SIPA1L2: variants seen among roughly 807,000 people sequenced by gnomAD.
The protein encoded by SIPA1L2 is signal-induced proliferation-associated 1-like protein 2.
In SIPA1L2, 56 loss-of-function variants were observed where a neutral mutation model predicts 163.9. The ratio of observed to expected loss-of-function variants is 0.34; its 90% CI spans 0.28 to 0.43. The LOEUF (loss-of-function observed/expected upper bound fraction) is 0.43, where lower values mean the gene tolerates loss of function less well. SIPA1L2 is among the 20% of genes least tolerant of loss of function. The pLI is 1.00. For synonymous variants in SIPA1L2, 877 were observed against 865.7 expected (o/e 1.01, Z -0.23); for missense variants, 1,974 against 2,193.5 (o/e 0.90, Z 2.00).
intron 19 of SIPA1L2, among the ~76,000 whole-genome samples, chr1:232,408,082 T>G (rs1447668844): frequency 6.6e-6 from 1 of 152,214 alleles, no homozygotes; most frequent in Non-Finnish European, 1.5e-5. Flanking sequence ...AACTATGATC[T>G]TATTGAACTA....
intron 21 of SIPA1L2, 119 bp from the exon 22 acceptor site, chr1:232,402,592 A>G (rs1013044243): frequency 1.6e-5 from 12 of 743,498 alleles, no homozygotes; most frequent in Non-Finnish European, 2.3e-5. Context: ...CAGATATATT[A>G]TATTATGTCA....
chr1:232,526,371 C>G (rs974685495), intron 2 of SIPA1L2, among the ~76,000 whole-genome samples: 7 of 123,372 alleles, frequency 5.7e-5, no homozygotes, highest in Admixed American at 5.6e-4. Context: ...GAACCGTTTT[C>G]GTGGAAGACA....
chr1:232,586,152 C>T (rs1660642955), intron 1 of SIPA1L2, among the ~76,000 whole-genome samples: 1 of 152,134 alleles, frequency 6.6e-6, no homozygotes, highest in African/African-American at 2.4e-5. Context: ...GCTCTGTCTC[C>T]GCACAGCGAT....
rs186238255 is a variant in SIPA1L2 at position 232,518,597 on chromosome 1, T to C, written c.-269-2989A>G. Among the ~76,000 whole-genome samples, 964 of 152,208 alleles carry C rather than the reference T, an allele frequency of 6.3e-3. 12 individuals are homozygous for C. Among genetic ancestry groups the C allele is most frequent in the African/African-American group, 0.022 (923 of 41,540 alleles). On this transcript the variant is annotated intron_variant, in intron 2 of 22. Transcript: ENST00000674635. Reference sequence around the variant, plus strand: ...ACTCTCCAGGCTTGTGTCCCAGCTGTTCCCTCTAAATGGAGCATCCACTGC... The same window carrying C: ...ACTCTCCAGGCTTGTGTCCCAGCTGCTCCCTCTAAATGGAGCATCCACTGC...
chr1:232,525,233 C>CTTTTTT (rs11389753), intron 2 of SIPA1L2, among the ~76,000 whole-genome samples: 2 of 102,938 alleles, frequency 1.9e-5, no homozygotes, highest in Non-Finnish European at 3.6e-5. Context: ...ATAATAATAG[C>CTTTTTT]TTTTTTTTTT....
chr1:232,603,260 G>A (rs1359142967), intron 1 of SIPA1L2, among the ~76,000 whole-genome samples: 1 of 152,194 alleles, frequency 6.6e-6, no homozygotes, highest in African/African-American at 2.4e-5. Flanking sequence ...AAGATCCAAG[G>A]AAGACGACTA....
intron 2 of SIPA1L2, among the ~76,000 whole-genome samples, chr1:232,521,758 C>G (rs758557005): frequency 6.6e-6 from 1 of 152,216 alleles, no homozygotes; most frequent in Non-Finnish European, 1.5e-5. Context: ...TCCTCCTCCT[C>G]CTCAGGTTGT....
rs1342967880 is a variant in SIPA1L2 at position 232,465,704 on chromosome 1, C to T, written c.2244-288G>A. Among the ~76,000 whole-genome samples the T allele has an allele frequency of 2.6e-5, 4 of 151,892 alleles. No individual in the cohort carries two copies. The highest frequency in any genetic ancestry group is 5.9e-5 in the Non-Finnish European group (4 of 67,996). Reference sequence around the variant, plus strand: ...GGCTGAATTATGTCCCTCTCAAAATCCACACGTTGACAAGATAACCCATAG... The same window carrying T: ...GGCTGAATTATGTCCCTCTCAAAATTCACACGTTGACAAGATAACCCATAG... On this transcript the variant is annotated intron_variant, in intron 8 of 22. Coordinates refer to ENST00000674635, the MANE Select transcript of SIPA1L2 (RefSeq NM_020808.5). The surrounding 1 kb of genome is among the most constrained non-coding windows in gnomAD (Gnocchi z 4.1).
At chr1:232,461,287 C>A in intron 9 of SIPA1L2, 126 bp from the exon 10 acceptor site, 1 of 1,199,650 alleles carries the variant, frequency 8.3e-7, no homozygotes, top group Non-Finnish European at 1.2e-6. Context: ...CAGCCTGTCT[C>A]TCTCTGCCTT....
At chr1:232,428,710 G>A (rs185354015) in intron 16 of SIPA1L2, 146 bp from the exon 17 acceptor site, 371 of 481,406 alleles carry the variant, frequency 7.7e-4, no homozygotes, top group Non-Finnish European at 1.1e-3. Flanking sequence ...TGCTGCGTTT[G>A]CTCCAAATTC....
intron 16 of SIPA1L2, among the ~76,000 whole-genome samples, chr1:232,431,206 T>C (rs865823544): frequency 4.5e-4 from 69 of 152,312 alleles, no homozygotes; most frequent in African/African-American, 3.4e-4. Flanking sequence ...CTCAGAAGAC[T>C]CTTATTAGAC....
At chr1:232,560,030 C>A (rs1174484276) in intron 2 of SIPA1L2, among the ~76,000 whole-genome samples, 1 of 152,218 alleles carries the variant, frequency 6.6e-6, no homozygotes, top group African/African-American at 2.4e-5. Flanking sequence ...TTGATCCCTG[C>A]CTAATCTGCT....
At chr1:232,612,977 C>A (rs1231985698) in intron 1 of SIPA1L2, among the ~76,000 whole-genome samples, 1 of 152,124 alleles carries the variant, frequency 6.6e-6, no homozygotes, top group Non-Finnish European at 1.5e-5. Flanking sequence ...ATCATGGGGG[C>A]AGTTTCCCCC....
At chr1:232,421,261 T>A (rs1661558142) in intron 18 of SIPA1L2, among the ~76,000 whole-genome samples, 1 of 152,184 alleles carries the variant, frequency 6.6e-6, no homozygotes. Context: ...TCATGAATTC[T>A]GAAAGGGGGG....
At chr1:232,563,860 G>A (rs1309196484) in intron 2 of SIPA1L2, among the ~76,000 whole-genome samples, 1 of 151,670 alleles carries the variant, frequency 6.6e-6, no homozygotes, top group Non-Finnish European at 1.5e-5. Context: ...GATTACAGGT[G>A]CCCGCCACCA....
chr1:232,498,949 T>C (rs1666333310), intron 3 of SIPA1L2, among the ~76,000 whole-genome samples: 1 of 152,172 alleles, frequency 6.6e-6, no homozygotes, highest in Non-Finnish European at 1.5e-5. Context: ...TCCACTTTAA[T>C]TCACTTATTC....
rs10678164 is a variant in SIPA1L2 at position 232,510,231 on chromosome 1, A to AATAT, written c.1483+3622_1483+3625dup. The stretch of plus-strand genomic sequence containing the variant: ...TGGGACATTTGGTTTTCAATATGAA[A>AATAT]ATATATATATATATATGAATAAAGA... On this transcript the variant is annotated intron_variant, in intron 3 of 22. Coordinates refer to ENST00000674635, the MANE Select transcript of SIPA1L2 (RefSeq NM_020808.5). Among the ~76,000 whole-genome samples the AATAT allele has an allele frequency of 2.8e-3, 414 of 149,108 alleles. 1 individual carries two copies. The highest frequency in any genetic ancestry group is 7.1e-3 in the Middle Eastern group (2 of 282).
chr1:232,457,537 C>G (rs931043439), intron 10 of SIPA1L2, among the ~76,000 whole-genome samples: 1 of 152,182 alleles, frequency 6.6e-6, no homozygotes, highest in Non-Finnish European at 1.5e-5. Context: ...TCCTCCCTCA[C>G]AAGCACGAAG....
intron 2 of SIPA1L2, among the ~76,000 whole-genome samples, chr1:232,522,323 A>T (rs182587082): frequency 1.4e-3 from 206 of 152,062 alleles, no homozygotes; most frequent in African/African-American, 4.7e-3. Context: ...CCATGTGTTG[A>T]CCTTCATGTT....
Sources: allele counts gnomAD v4.1 joint callset (sites outside exome capture counted in the v4.1 genomes callset), GRCh38; gene constraint gnomAD v4.1.1; non-coding constraint Gnocchi (gnomAD v3.1); transcripts MANE v1.5; gene names NCBI Gene and HGNC (gene_info 2026-07-23, HGNC 2026-07-21).